The following PPM1H variants were observed in gnomAD, a reference collection of about 807,000 sequenced individuals.
The protein encoded by PPM1H is protein phosphatase, Mg2+/Mn2+ dependent 1H, also known as protein phosphatase 1H.
A neutral mutation model predicts 54.9 loss-of-function variants in PPM1H; 27 were observed. The ratio of observed to expected loss-of-function variants is 0.49; its 90% CI spans 0.36 to 0.68. PPM1H has a LOEUF of 0.68. Ranked by LOEUF, PPM1H falls within the 30% of genes least tolerant of loss-of-function variation. The probability of loss-of-function intolerance (pLI) is 0.00; values close to 1 mark genes in which losing one functional copy is unlikely to be tolerated. For synonymous variants in PPM1H, 305 were observed against 270.8 expected (o/e 1.13, Z -1.24); for missense variants, 596 against 667.8 (o/e 0.89, Z 1.19).
At position 62,816,704 on chromosome 12, in the gene PPM1H, C is replaced by T. The variant is rs552045929; in HGVS notation, c.412-14544G>A. ...GGCACTAAAATCGGCGTCTGGTACA[C>T]GAGTGCTGAGTATTATTTATGGTTT... On this transcript the variant is annotated intron_variant, in intron 2 of 9. Coordinates refer to ENST00000228705, the MANE Select transcript of PPM1H (RefSeq NM_020700.2). Among the ~76,000 whole-genome samples, 53 of 150,790 alleles carry T rather than the reference C, an allele frequency of 3.5e-4. 1 individual carries two copies. The highest frequency in any genetic ancestry group is 3.5e-3 in the Admixed American group (53 of 15,132).
intron 9 of PPM1H, among the ~76,000 whole-genome samples, chr12:62,651,216 C>T (rs1237617251): frequency 6.6e-6 from 1 of 152,186 alleles, no homozygotes; most frequent in Non-Finnish European, 1.5e-5. Context: ...AGTTTTCACA[C>T]TTACGTGTGA....
At chr12:62,650,873 A>C (rs944053793) in intron 9 of PPM1H, among the ~76,000 whole-genome samples, 3 of 152,164 alleles carry the variant, frequency 2.0e-5, no homozygotes, top group African/African-American at 7.2e-5. Context: ...TAGGGATTAC[A>C]ATTCGACATA....
At position 62,838,024 on chromosome 12, in the gene PPM1H, G is replaced by T. The variant is rs145165725; in HGVS notation, c.246-5745C>A. 4.7e-3 allele frequency among the ~76,000 whole-genome samples: 709 copies of T among 152,302 alleles called. 5 individuals carry two copies. The highest frequency in any genetic ancestry group is 0.016 in the African/African-American group (684 of 41,566). On this transcript the variant is annotated intron_variant, in intron 1 of 9. Transcript: ENST00000228705. ...CATGGTTCTGAACATGCTGCTTCCA[G>T]ATTCCCACCCCGATCTGCCCACCCA...
chr12:62,718,550 A>C (rs774922722), intron 6 of PPM1H, among the ~76,000 whole-genome samples: 15 of 152,096 alleles, frequency 9.9e-5, no homozygotes, highest in Non-Finnish European at 1.6e-4. Flanking sequence ...ATGTTCCCTC[A>C]GTACCAGCCC....
chr12:62,830,411 A>T (rs1341813513), intron 2 of PPM1H, among the ~76,000 whole-genome samples: 1 of 152,092 alleles, frequency 6.6e-6, no homozygotes, highest in African/African-American at 2.4e-5. Context: ...ACCCGCCACC[A>T]TGCCCGGCTA....
chr12:62,733,578 C>T (rs1348064153), intron 5 of PPM1H, among the ~76,000 whole-genome samples: 1 of 152,130 alleles, frequency 6.6e-6, no homozygotes, highest in Non-Finnish European at 1.5e-5. Context: ...CAAGATTTTA[C>T]ACTATTAATC....
intron 3 of PPM1H, among the ~76,000 whole-genome samples, chr12:62,792,072 G>C (rs1005955158): frequency 2.6e-5 from 4 of 152,186 alleles, no homozygotes; most frequent in Non-Finnish European, 5.9e-5. Context: ...TAACAGGGCC[G>C]TCCACGGCAA....
intron 1 of PPM1H, among the ~76,000 whole-genome samples, chr12:62,930,049 G>C (rs1592675988): frequency 6.6e-6 from 1 of 152,126 alleles, no homozygotes; most frequent in Non-Finnish European, 1.5e-5. Context: ...TCCGAGCTTT[G>C]GGGCAAGAAA....
rs114360733 is a variant in PPM1H, at chr12:62,788,176, C to G, written c.869+50G>C. 1,679 of 1,186,306 alleles carry G rather than the reference C, an allele frequency of 1.4e-3. 17 individuals are homozygous for G. In the African/African-American group the frequency reaches 0.022, roughly 16 times the overall value. The allele number at this position is 1,186,306 out of a possible 1,614,324, so 73.5% of individuals were successfully genotyped here. On this transcript the variant is annotated intron_variant, in intron 4 of 9. Transcript: ENST00000228705. ...TTTAATTTTTGAGACAAAATAAAAA[C>G]ATCAGAAGGCATTAGAAATTAGCAA... is the stretch of plus-strand genomic sequence containing the variant.
chr12:62,798,415 G>A (rs2076748479), intron 3 of PPM1H, among the ~76,000 whole-genome samples: 1 of 152,166 alleles, frequency 6.6e-6, no homozygotes, highest in South Asian at 2.1e-4. Flanking sequence ...TTTCTTCCAC[G>A]ACTCAGCTTT....
intron 4 of PPM1H, among the ~76,000 whole-genome samples, chr12:62,762,052 C>A (rs548038507): frequency 4.5e-4 from 69 of 152,342 alleles, no homozygotes; most frequent in African/African-American, 1.6e-3. Context: ...GGTAGCACTG[C>A]CTTGCTGTGT....
chr12:62,849,304 T>C (rs1354434588), intron 1 of PPM1H, among the ~76,000 whole-genome samples: 2 of 152,224 alleles, frequency 1.3e-5, no homozygotes, highest in African/African-American at 4.8e-5. Flanking sequence ...AAATAACACT[T>C]GTAAATACTT....
intron 4 of PPM1H, among the ~76,000 whole-genome samples, chr12:62,738,750 C>A (rs2076364448): frequency 6.6e-6 from 1 of 152,124 alleles, no homozygotes; most frequent in Non-Finnish European, 1.5e-5. Context: ...TGAGGAGCCA[C>A]CAACATGGGA....
In PPM1H at chr12:62,934,630, G is replaced by A. The variant is rs1480574379; in HGVS notation, c.107C>T (p.Pro36Leu). The A allele has an allele frequency of 6.3e-7, 1 of 1,591,938 alleles. No individual in the cohort carries two copies. Among genetic ancestry groups the A allele is most frequent in the East Asian group, 2.3e-5 (1 of 43,560 alleles). ...TGGCCGCCCGTAGGGGAAACGCAGGGGCAGGTCCGAGCCTCCGCAGCTGCC... is the reference window on the plus strand; with the variant it reads ...TGGCCGCCCGTAGGGGAAACGCAGGAGCAGGTCCGAGCCTCCGCAGCTGCC... ...GGGSCGGSDL[P>L]LRFPYGRPEF... Residue 36 changes from proline (P) to leucine (L), a missense_variant, in exon 1 of 10, where the codon CCC becomes CTC. By Grantham distance (98) the Pro-to-Leu change is moderately conservative. This residue lies in a region of PPM1H where 382 missense variants were observed against 387.1 expected (regional missense o/e 0.99). Coordinates refer to ENST00000228705, the MANE Select transcript of PPM1H (RefSeq NM_020700.2). This position sits in a 1 kb window ranked among gnomAD's most constrained non-coding sequence, Gnocchi z 4.2.
chr12:62,736,930 G>A (rs758533904), intron 5 of PPM1H, among the ~76,000 whole-genome samples: 6 of 152,124 alleles, frequency 3.9e-5, no homozygotes, highest in Non-Finnish European at 7.3e-5. Context: ...AACTGAGCCC[G>A]CTCATAATTT....
chr12:62,792,301 T>C (rs2076705343), intron 3 of PPM1H, among the ~76,000 whole-genome samples: 1 of 152,268 alleles, frequency 6.6e-6, no homozygotes, highest in Non-Finnish European at 1.5e-5. Context: ...ATTATATTAA[T>C]AGTGTGACTC....
chr12:62,920,487 T>G (rs943939580), intron 1 of PPM1H, among the ~76,000 whole-genome samples: 3 of 147,610 alleles, frequency 2.0e-5, no homozygotes, highest in African/African-American at 7.4e-5. Flanking sequence ...TGAATGAGGT[T>G]TTTTTTTTTT....
intron 3 of PPM1H, among the ~76,000 whole-genome samples, chr12:62,798,748 T>C (rs983598011): frequency 6.6e-5 from 10 of 152,186 alleles, no homozygotes; most frequent in Non-Finnish European, 1.2e-4. Context: ...ACCACAGCAA[T>C]GGTGGCTTAC....
chr12:62,703,138 C>T (rs539878155), intron 6 of PPM1H, among the ~76,000 whole-genome samples: 16 of 152,278 alleles, frequency 1.1e-4, no homozygotes, highest in Admixed American at 5.2e-4. Flanking sequence ...AACAGGCAAC[C>T]GTAAGCAGGA....
Sources: allele counts gnomAD v4.1 joint callset (sites outside exome capture counted in the v4.1 genomes callset), GRCh38; gene constraint gnomAD v4.1.1; regional missense constraint gnomAD v4.1.1; non-coding constraint Gnocchi (gnomAD v3.1); transcripts MANE v1.5; gene names NCBI Gene and HGNC (gene_info 2026-07-23, HGNC 2026-07-21).